Variants in BACE2 observed in about 807,000 individuals in gnomAD.
BACE2 encodes the protein beta-secretase 2, also known as 56 kDa aspartic-like protease.
BACE2 carries 17 observed loss-of-function variants against 46.2 expected under a neutral mutation model. That is an observed-to-expected ratio of 0.37 (90% CI 0.25 to 0.55). The LOEUF (loss-of-function observed/expected upper bound fraction) is 0.55. Among genes scored for constraint, BACE2 ranks in the 20% least tolerant of loss-of-function variants. The pLI is 0.82. For synonymous variants in BACE2, 277 were observed against 295.9 expected, an observed-to-expected ratio of 0.94 and a Z score of 0.66; for missense variants, 595 against 698.1, an observed-to-expected ratio of 0.85 and a Z score of 1.66.
intron 8 of BACE2, among the ~76,000 whole-genome samples, chr21:41,270,945 C>A (rs747799578): frequency 6.6e-6 from 1 of 152,140 alleles, no homozygotes; most frequent in Non-Finnish European, 1.5e-5. Flanking sequence ...TTTCTCTTTG[C>A]ATTTTCATCA....
intron 1 of BACE2, among the ~76,000 whole-genome samples, chr21:41,218,326 A>G (rs1279154027): frequency 6.6e-6 from 1 of 152,244 alleles, no homozygotes; most frequent in Non-Finnish European, 1.5e-5. Context: ...TAAAGTGTTA[A>G]GAAAAAAAAT....
intron 1 of BACE2, chr21:41,184,298 A>G (rs540117142): frequency 6.0e-6 from 1 of 167,220 alleles, no homozygotes; most frequent in South Asian, 2.1e-4. Context: ...TAACCTTGTC[A>G]TAATTGACTG....
At chr21:41,219,928 C>T (rs1290986696) in intron 1 of BACE2, among the ~76,000 whole-genome samples, 2 of 152,240 alleles carry the variant, frequency 1.3e-5, no homozygotes, top group Non-Finnish European at 2.9e-5. Flanking sequence ...CCTACACTGT[C>T]TGCCTGGGGA....
At chr21:41,216,776 G>C (rs917413524) in intron 1 of BACE2, among the ~76,000 whole-genome samples, 2 of 152,222 alleles carry the variant, frequency 1.3e-5, no homozygotes, top group Non-Finnish European at 2.9e-5. Flanking sequence ...GCGCGGACGT[G>C]CGTTGCCAGC....
intron 7 of BACE2, among the ~76,000 whole-genome samples, chr21:41,256,542 C>CTG (rs2123627693): frequency 6.6e-6 from 1 of 152,298 alleles, no homozygotes; most frequent in East Asian, 1.9e-4. Flanking sequence ...TTCCTCTGCA[C>CTG]AATAAAACTT....
rs73368323 is a variant in BACE2, at chr21:41,257,148, C to T, written c.1135-10C>T. ...TCTTGTTTGTTTGCTCTCTCCTCTCCGACAAACAGCTTTACATTCAGCCCA... is the reference window on the plus strand; with the variant it reads ...TCTTGTTTGTTTGCTCTCTCCTCTCTGACAAACAGCTTTACATTCAGCCCA... On this transcript the variant is annotated splice_polypyrimidine_tract_variant and intron_variant, in intron 7 of 8. Transcript: ENST00000330333. The T allele has an allele frequency of 4.6e-3, 7,475 of 1,614,068 alleles. 252 individuals are homozygous for T. In the African/African-American group the frequency reaches 0.079, roughly 17 times the overall value.
intron 1 of BACE2, chr21:41,176,297 A>T (rs59066201): frequency 6.6e-6 from 1 of 152,054 alleles, no homozygotes; most frequent in African/African-American, 2.4e-5. Context: ...GCCAGCTCAC[A>T]GGTCACACTT....
At chr21:41,184,384 G>T (rs1201468925) in intron 1 of BACE2, 2 of 166,998 alleles carry the variant, frequency 1.2e-5, no homozygotes, top group African/African-American at 4.8e-5. Context: ...TGTAAATCGT[G>T]GCAATTTGAA....
chr21:41,221,628 A>T (rs902870077), intron 1 of BACE2, among the ~76,000 whole-genome samples: 1 of 152,112 alleles, frequency 6.6e-6, no homozygotes, highest in African/African-American at 2.4e-5. Context: ...GATCGAGACC[A>T]TCCTGGCTAA....
intron 3 of BACE2, among the ~76,000 whole-genome samples, chr21:41,240,588 C>T (rs1296724942): frequency 1.3e-5 from 2 of 152,304 alleles, no homozygotes; most frequent in East Asian, 3.9e-4. Context: ...GCCTGTCTCC[C>T]ATCGTGTTTG....
At chr21:41,220,711 T>C (rs562387956) in intron 1 of BACE2, among the ~76,000 whole-genome samples, 2 of 150,506 alleles carry the variant, frequency 1.3e-5, no homozygotes, top group South Asian at 4.2e-4. Context: ...TAATACATTA[T>C]ATATATGTAA....
intron 1 of BACE2, among the ~76,000 whole-genome samples, chr21:41,188,430 A>G (rs961830902): frequency 6.6e-6 from 1 of 152,186 alleles, no homozygotes; most frequent in Non-Finnish European, 1.5e-5. Context: ...AGTCCAAGGA[A>G]GCTGAGAGGC....
chr21:41,267,146 G>C (rs913717189), intron 8 of BACE2, among the ~76,000 whole-genome samples: 15 of 152,150 alleles, frequency 9.9e-5, no homozygotes, highest in Admixed American at 6.5e-4. Flanking sequence ...GGATGGCGGT[G>C]GGTGGGAAGG....
chr21:41,202,577 G>A (rs987257939), intron 1 of BACE2, among the ~76,000 whole-genome samples: 2 of 152,190 alleles, frequency 1.3e-5, no homozygotes, highest in Non-Finnish European at 2.9e-5. Context: ...ATCGCTCCTG[G>A]CACTGGTCAG....
At chr21:41,224,950 G>A (rs1298782509) in intron 1 of BACE2, among the ~76,000 whole-genome samples, 1 of 152,194 alleles carries the variant, frequency 6.6e-6, no homozygotes, top group African/African-American at 2.4e-5. Flanking sequence ...AATGTATCTA[G>A]TCGGCTGGGT....
chr21:41,171,172 T>C (rs1012753476), intron 1 of BACE2, among the ~76,000 whole-genome samples: 32 of 152,348 alleles, frequency 2.1e-4, no homozygotes, highest in Middle Eastern at 6.8e-3. Context: ...TAGGGACTTA[T>C]TGTATGACTG....
intron 6 of BACE2, among the ~76,000 whole-genome samples, chr21:41,247,942 G>A (rs1026010935): frequency 2.0e-5 from 3 of 152,160 alleles, no homozygotes; most frequent in Admixed American, 6.5e-5. Context: ...ACCTCTTGGC[G>A]TGGGTTTCCT....
chr21:41,180,725 C>T (rs191372081), intron 1 of BACE2: 1 of 167,172 alleles, frequency 6.0e-6, no homozygotes, highest in African/African-American at 2.4e-5. Context: ...GGGGCAGTGC[C>T]CTGGTTATAT....
chr21:41,208,452 G>A (rs1370583135), intron 1 of BACE2, among the ~76,000 whole-genome samples: 1 of 152,202 alleles, frequency 6.6e-6, no homozygotes, highest in Non-Finnish European at 1.5e-5. Context: ...AGCCGGGCTG[G>A]GAAGAGAGGA....
Sources: allele counts gnomAD v4.1 joint callset (sites outside exome capture counted in the v4.1 genomes callset), GRCh38; gene constraint gnomAD v4.1.1; transcripts MANE v1.5; gene names NCBI Gene and HGNC (gene_info 2026-07-23, HGNC 2026-07-21).